The following CDHR2 variants were observed in gnomAD, a reference collection of about 807,000 sequenced individuals.
CDHR2 encodes cadherin-related family member 2.
A neutral mutation model predicts 138.6 loss-of-function variants in CDHR2; 104 were observed. The ratio of observed to expected loss-of-function variants is 0.75; its 90% CI spans 0.64 to 0.88. The LOEUF (loss-of-function observed/expected upper bound fraction) is 0.88. CDHR2 is among the 40% of genes least tolerant of loss of function. The probability of loss-of-function intolerance (pLI) is 0.00; values close to 1 mark genes in which losing one functional copy is unlikely to be tolerated. For missense variants in CDHR2, 1,624 were observed against 1,727.6 expected (o/e 0.94, Z 1.06); for synonymous variants, 755 against 742.8 (o/e 1.02, Z -0.27).
chr5:176,551,996 C>T (rs1215796840), intron 1 of CDHR2, among the ~76,000 whole-genome samples: 1 of 152,108 alleles, frequency 6.6e-6, no homozygotes, highest in East Asian at 1.9e-4. Flanking sequence ...AGGCGTGAGT[C>T]ACCGCGCCCG....
chr5:176,542,958 C>T (rs1381018123), intron 1 of CDHR2, among the ~76,000 whole-genome samples: 1 of 151,912 alleles, frequency 6.6e-6, no homozygotes, highest in Non-Finnish European at 1.5e-5. Context: ...TGGGTCCCAG[C>T]CGCAGCTGGG....
At position 176,584,442 on chromosome 5, in the gene CDHR2, G is replaced by C. The variant is rs116786975; in HGVS notation, c.2161G>C (p.Ala721Pro). 2 of 1,602,814 alleles carry C rather than the reference G, an allele frequency of 1.2e-6. No individual in the cohort carries two copies. The change falls in exon 19 of 32, where the codon GCG (alanine) becomes CCG (proline). Residue 721 changes from alanine to proline, a missense_variant. Physicochemically the swap from Ala to Pro is conservative, Grantham distance 27 (BLOSUM62 -1). Transcript: ENST00000261944. ...VLVGVVKAWDADQTEANNRIS... is the reference protein window; with the variant it reads ...VLVGVVKAWDPDQTEANNRIS... ...AGTGGGCGTGGTGAAGGCCTGGGAC[G>C]CGGACCAGACGGAAGCCAACAACCG...
At chr5:176,592,301 G>GTGATGGTGATGGTGGTGATGA (rs1758895984) in intron 30 of CDHR2, among the ~76,000 whole-genome samples, 1 of 132,824 alleles carries the variant, frequency 7.5e-6, no homozygotes, top group Non-Finnish European at 1.6e-5. Flanking sequence ...GGTGGTGATG[G>GTGATGGTGATGGTGGTGATGA]TGATGGTGGT....
At chr5:176,563,782 G>C (rs60947370) in intron 1 of CDHR2, among the ~76,000 whole-genome samples, 2 of 152,206 alleles carry the variant, frequency 1.3e-5, no homozygotes, top group African/African-American at 4.8e-5. Flanking sequence ...AAGTGGGGCC[G>C]TTTAGTCAGT....
At position 176,589,412 on chromosome 5, in the gene CDHR2, T is replaced by C. The variant is rs768694383; in HGVS notation, c.3091T>C (p.Phe1031Leu). 3.8e-6 allele frequency: 6 copies of C among 1,585,688 alleles called. No individual in the cohort carries two copies. The East Asian group carries it at 1.1e-4, about 30-fold the overall frequency. ...QARDRPSLGP[F>L]LEATTTLNLF... ...CAGGGACAGACCTTCCTTGGGTCCT[T>C]TCCTGGAAGCCACCACCACCCTGAA... is the stretch of plus-strand genomic sequence containing the variant. The change falls in exon 23 of 32, where the codon TTC becomes CTC. Residue 1031 changes from phenylalanine (F) to leucine (L), a missense_variant. By Grantham distance (22) the Phe-to-Leu change is conservative. This residue lies in a region of CDHR2 where 556 missense variants were observed against 565.7 expected (regional missense o/e 0.98). Transcript: ENST00000261944.
intron 6 of CDHR2, 121 bp from the exon 7 acceptor site, chr5:176,573,962 A>T: frequency 1.4e-6 from 1 of 729,332 alleles, no homozygotes; most frequent in Non-Finnish European, 2.3e-6. Context: ...GGTGGGAAGG[A>T]CAGGGGAACC....
intron 1 of CDHR2, 32 bp from the exon 2 acceptor site, chr5:176,565,306 T>G (rs1194097729): frequency 6.5e-7 from 1 of 1,546,498 alleles, no homozygotes; most frequent in African/African-American, 1.4e-5. Flanking sequence ...GAGGCCTGAG[T>G]CCAGGAGCCA....
At chr5:176,589,723 A>G in intron 24 of CDHR2, 107 bp downstream of exon 24, 2 of 959,970 alleles carry the variant, frequency 2.1e-6, no homozygotes, top group Non-Finnish European at 1.6e-6. Flanking sequence ...CCTGACCCAC[A>G]TTTGACCTTG....
rs921009314 is a variant in CDHR2, at chr5:176,557,014, C to T, written c.-16+7600C>T. ...TCCTTCCTTCTTTCTCTCTCTCTCTCTCTTTTTTTTTTTTTTTAGCAGTGG... is the reference window on the plus strand; with the variant it reads ...TCCTTCCTTCTTTCTCTCTCTCTCTTTCTTTTTTTTTTTTTTTAGCAGTGG... On this transcript the variant is annotated intron_variant, in intron 1 of 31. Coordinates refer to ENST00000261944, the MANE Select transcript of CDHR2 (RefSeq NM_017675.6). 3.6e-3 allele frequency among the ~76,000 whole-genome samples: 307 copies of T among 84,158 alleles called. 2 individuals carry two copies. Among genetic ancestry groups the T allele is most frequent in the African/African-American group, 0.021 (288 of 13,536 alleles). The allele number at this position is 84,158 out of a possible 152,430, so 55.2% of individuals were successfully genotyped here. A position where few individuals can be genotyped will look rare whatever the true frequency, so the allele number is the denominator to read the frequency against.
chr5:176,578,642 G>A, intron 16 of CDHR2, 34 bp downstream of exon 16: 4 of 1,602,238 alleles, frequency 2.5e-6, no homozygotes, highest in Non-Finnish European at 3.4e-6. Flanking sequence ...GGGTAAGGCT[G>A]GGGGAGGGGA....
At chr5:176,581,685 G>T in intron 17 of CDHR2, 103 bp downstream of exon 17, 1 of 1,475,284 alleles carries the variant, frequency 6.8e-7, no homozygotes, top group Non-Finnish European at 9.2e-7. Flanking sequence ...AGCCTGCCTG[G>T]GTTACAATCC....
intron 30 of CDHR2, among the ~76,000 whole-genome samples, chr5:176,592,138 ATGATGG>A (rs138935113): frequency 0.26 from 30,619 of 119,844 alleles, 5,043 homozygotes; most frequent in East Asian, 0.31. Context: ...GATGGTGGTG[ATGATGG>A]TGATGATGAC....
Position 176,577,762 on chromosome 5 carries a change from C to T in CDHR2, c.1476C>T (p.His492=). ...QSLYVLTVPE[H]SATGSVVTDS... ...TGTACGTCCTCACGGTGCCAGAGCA[C>T]AGCGCCACCGGCTCTGTGGTCACCG... The change falls in exon 14 of 32, where the codon CAC becomes CAT. Residue 492 remains histidine, a synonymous_variant. Transcript: ENST00000261944. 1 of 1,614,182 alleles carries T rather than the reference C, an allele frequency of 6.2e-7. No individual in the cohort carries two copies. Among genetic ancestry groups the T allele is most frequent in the Non-Finnish European group, 8.5e-7 (1 of 1,180,018 alleles).
chr5:176,584,937 G>A lies in CDHR2; in HGVS notation c.2656G>A (p.Ala886Thr). 2 of 1,593,892 alleles carry A rather than the reference G, an allele frequency of 1.3e-6. No homozygotes were observed. Among genetic ancestry groups the A allele is most frequent in the Non-Finnish European group, 1.7e-6 (2 of 1,169,900 alleles). The change falls in exon 19 of 32, where the codon GCC becomes ACC. Residue 886 changes from alanine to threonine, a missense_variant. Transcript: ENST00000261944. ...CCAGAGCAAAGCCATCGACTACGAG[G>A]CCTGTGACCTGGTCACGCTGGTTGT... ...INQSKAIDYEACDLVTLVVRA... is the reference protein window; with the variant it reads ...INQSKAIDYETCDLVTLVVRA...
chr5:176,589,466 C>T, intron 23 of CDHR2, 28 bp downstream of exon 23: 1 of 1,610,784 alleles, frequency 6.2e-7, no homozygotes, highest in Non-Finnish European at 8.5e-7. Flanking sequence ...CTCCAGCCCC[C>T]AACGCCCTCT....
rs1757760401 is a variant in CDHR2, at chr5:176,553,710, TC to T, written c.-16+4298del. 6.6e-6 allele frequency among the ~76,000 whole-genome samples: 1 copy of T among 151,898 alleles called. No individual in the cohort carries two copies. Among genetic ancestry groups the T allele is most frequent in the African/African-American group, 2.4e-5 (1 of 41,330 alleles). On this transcript the variant is annotated intron_variant, in intron 1 of 31. Coordinates refer to ENST00000261944, the MANE Select transcript of CDHR2 (RefSeq NM_017675.6). The surrounding 1 kb of genome is among the most constrained non-coding windows in gnomAD (Gnocchi z 4.3). ...CGCTAATGCCCAGCTCACCTGCGTC[TC>T]CACCGCCAGCCCCGCCACCACCACC...
At position 176,589,571 on chromosome 5, in the gene CDHR2, C is replaced by T. The variant is rs377420284; in HGVS notation, c.3161C>T (p.Ser1054Phe). Reference sequence around the variant, plus strand: ...AGTTACCGCTCGCGGCTGCAGTTCTCCACACCGAAGGAGGAGGTGGGCGCC... The same window carrying T: ...AGTTACCGCTCGCGGCTGCAGTTCTTCACACCGAAGGAGGAGGTGGGCGCC... ...DQSYRSRLQF[S>F]TPKEEVGANR... The change falls in exon 24 of 32, where the codon TCC becomes TTC. Residue 1054 changes from serine to phenylalanine, a missense_variant. Physicochemically the swap from Ser to Phe is radical, Grantham distance 155. This residue lies in a region of CDHR2 where 556 missense variants were observed against 565.7 expected (regional missense o/e 0.98). Coordinates refer to ENST00000261944, the MANE Select transcript of CDHR2 (RefSeq NM_017675.6). 5.6e-6 allele frequency: 9 copies of T among 1,614,004 alleles called. No homozygotes were observed. Among genetic ancestry groups the T allele is most frequent in the Non-Finnish European group, 7.6e-6 (9 of 1,180,030 alleles).
At chr5:176,562,425 C>T (rs960870355) in intron 1 of CDHR2, among the ~76,000 whole-genome samples, 2 of 151,742 alleles carry the variant, frequency 1.3e-5, no homozygotes, top group Non-Finnish European at 2.9e-5. Flanking sequence ...GGTGGCTCCC[C>T]GAGGCTGGAA....
intron 21 of CDHR2, among the ~76,000 whole-genome samples, chr5:176,588,534 A>AGG (rs1176730721): frequency 7.8e-6 from 1 of 128,692 alleles, no homozygotes; most frequent in Non-Finnish European, 1.7e-5. Flanking sequence ...TGAGTGTGTT[A>AGG]GGGTGAGTGA....
Sources: allele counts gnomAD v4.1 joint callset (sites outside exome capture counted in the v4.1 genomes callset), GRCh38; gene constraint gnomAD v4.1.1; regional missense constraint gnomAD v4.1.1; non-coding constraint Gnocchi (gnomAD v3.1); transcripts MANE v1.5; gene names NCBI Gene and HGNC (gene_info 2026-07-23, HGNC 2026-07-21).